THRB: variants seen among roughly 807,000 people sequenced by gnomAD.
The protein encoded by THRB is thyroid hormone receptor beta, also known as nuclear receptor subfamily 1 group A member 2.
In THRB, 12 loss-of-function variants were observed where a neutral mutation model predicts 47.8. The observed-to-expected ratio is 0.25, with a 90% CI of 0.16 to 0.41. The LOEUF is 0.41. Among genes scored for constraint, THRB ranks in the 10% least tolerant of loss-of-function variants. The pLI, the probability that THRB is intolerant of heterozygous loss-of-function variation, is 1.00. For missense variants in THRB, 348 were observed against 589.2 expected (o/e 0.59, Z 4.24); for synonymous variants, 218 against 212.2 (o/e 1.03, Z -0.24).
chr3:24,468,970 G>A (rs1251278193), intron 1 of THRB, among the ~76,000 whole-genome samples: 1 of 152,000 alleles, frequency 6.6e-6, no homozygotes, highest in Non-Finnish European at 1.5e-5. Flanking sequence ...GGTAAAGCAG[G>A]GTTCAATAAA....
rs1198566070 is a variant in THRB, at chr3:24,119,317, G to C, written c.*3567C>G. The stretch of plus-strand genomic sequence containing the variant: ...TCCATTTGAGGAGGAACTGTGGCTT[G>C]GTTATTCACTTAAATTCAGTTCATG... On this transcript the variant is annotated 3_prime_UTR_variant, in exon 11 of 11. Coordinates refer to ENST00000646209, the MANE Select transcript of THRB (RefSeq NM_001354712.2). The C allele has an allele frequency of 6.6e-6, 1 of 152,094 alleles. No homozygotes were observed. The highest frequency in any genetic ancestry group is 1.5e-5 in the Non-Finnish European group (1 of 68,008). The allele number at this position is 152,094 out of a possible 1,614,324, so 9.4% of individuals were successfully genotyped here.
chr3:24,378,627 T>C (rs1027461253), intron 1 of THRB, among the ~76,000 whole-genome samples: 13 of 152,152 alleles, frequency 8.5e-5, no homozygotes, highest in African/African-American at 2.9e-4. Flanking sequence ...GAGCCTTTCC[T>C]CTTTAGAAGG....
At chr3:24,123,540 T>C (rs573817830) in intron 10 of THRB, among the ~76,000 whole-genome samples, 143 of 152,104 alleles carry the variant, frequency 9.4e-4, no homozygotes, top group African/African-American at 2.7e-3. Flanking sequence ...GGGGGAGATA[T>C]ATGAAGGGAC....
chr3:24,238,278 T>TGGGGGGGGGGGGG (rs67450132), intron 3 of THRB, among the ~76,000 whole-genome samples: 2 of 30,010 alleles, frequency 6.7e-5, no homozygotes, highest in East Asian at 1.8e-3. Flanking sequence ...TGTGTGTGTG[T>TGGGGGGGGGGGGG]GGGGGGGGGG....
chr3:24,399,229 A>T (rs1340103728), intron 1 of THRB, among the ~76,000 whole-genome samples: 4 of 142,940 alleles, frequency 2.8e-5, no homozygotes, highest in East Asian at 2.2e-4. Flanking sequence ...AAGTATAATT[A>T]AAAAAAAAAA....
intron 4 of THRB, among the ~76,000 whole-genome samples, chr3:24,227,176 C>T (rs944718018): frequency 1.3e-5 from 2 of 152,152 alleles, no homozygotes; most frequent in Middle Eastern, 3.2e-3. Context: ...GAGAGCCATC[C>T]TTATAGCACC....
At chr3:24,183,516 C>T (rs1212818297) in intron 5 of THRB, among the ~76,000 whole-genome samples, 14 of 151,056 alleles carry the variant, frequency 9.3e-5, no homozygotes, top group African/African-American at 2.4e-4. Context: ...TACAGGCACA[C>T]GCCACCATCC....
chr3:24,357,714 T>C (rs1282114874), intron 1 of THRB, among the ~76,000 whole-genome samples: 1 of 152,132 alleles, frequency 6.6e-6, no homozygotes, highest in Non-Finnish European at 1.5e-5. Flanking sequence ...CAGTATTCCG[T>C]TGTTCTTATT....
At chr3:24,284,752 C>A (rs1364218874) in intron 3 of THRB, among the ~76,000 whole-genome samples, 1 of 149,590 alleles carries the variant, frequency 6.7e-6, no homozygotes, top group Non-Finnish European at 1.5e-5. Context: ...ACAAACAACC[C>A]CATCAAAAAG....
chr3:24,239,423 T>A (rs915857491), intron 3 of THRB, among the ~76,000 whole-genome samples: 1 of 152,090 alleles, frequency 6.6e-6, no homozygotes, highest in Non-Finnish European at 1.5e-5. Context: ...AGAGCAATCA[T>A]TAGTTCCAAT....
At chr3:24,209,328 A>G (rs927286817) in intron 4 of THRB, among the ~76,000 whole-genome samples, 2 of 152,256 alleles carry the variant, frequency 1.3e-5, no homozygotes, top group Non-Finnish European at 2.9e-5. Context: ...ATTACTGGGT[A>G]TATACCCAAA....
chr3:24,348,475 T>TACAA (rs2063162677), intron 1 of THRB: 1 of 152,110 alleles, frequency 6.6e-6, no homozygotes, highest in Non-Finnish European at 1.5e-5. Context: ...TTTCCTTGTA[T>TACAA]ATGCCTTCCT....
chr3:24,207,052 A>G (rs2045452377), intron 4 of THRB, among the ~76,000 whole-genome samples: 1 of 152,224 alleles, frequency 6.6e-6, no homozygotes, highest in Non-Finnish European at 1.5e-5. Context: ...TCACAGCCGA[A>G]TTCTACCAGA....
At chr3:24,368,123 T>C (rs537681899) in intron 1 of THRB, among the ~76,000 whole-genome samples, 1 of 152,162 alleles carries the variant, frequency 6.6e-6, no homozygotes, top group South Asian at 2.1e-4. Context: ...CCTTATCTTA[T>C]CCAATTTAAT....
intron 3 of THRB, among the ~76,000 whole-genome samples, chr3:24,233,543 GAGAA>G (rs2048467402): frequency 4.6e-5 from 2 of 43,602 alleles, no homozygotes; most frequent in Admixed American, 2.3e-4. Flanking sequence ...AAGAAAGAAA[GAGAA>G]AGAAAGAAAA....
intron 1 of THRB, among the ~76,000 whole-genome samples, chr3:24,442,378 A>T (rs1470589457): frequency 6.6e-6 from 1 of 152,212 alleles, no homozygotes; most frequent in African/African-American, 2.4e-5. Context: ...TGGAGCTGGG[A>T]TATGAATCCA....
intron 1 of THRB, among the ~76,000 whole-genome samples, chr3:24,453,929 A>C (rs1257002722): frequency 1.3e-5 from 2 of 152,154 alleles, no homozygotes; most frequent in Non-Finnish European, 2.9e-5. Context: ...AATGTGTCTC[A>C]GGGTACTTTC....
intron 1 of THRB, among the ~76,000 whole-genome samples, chr3:24,352,334 C>T (rs369920751): frequency 6.6e-5 from 10 of 152,216 alleles, no homozygotes; most frequent in South Asian, 2.1e-4. Flanking sequence ...ACCAAAGAAA[C>T]GAAAACATGT....
At chr3:24,279,931 T>C (rs1463191250) in intron 3 of THRB, among the ~76,000 whole-genome samples, 1 of 152,192 alleles carries the variant, frequency 6.6e-6, no homozygotes, top group Non-Finnish European at 1.5e-5. Context: ...TTAGTTTCCT[T>C]TGTTACGTAT....
Sources: gnomAD v4.1 joint callset for allele counts (sites outside exome capture counted in the v4.1 genomes callset) on GRCh38, gnomAD v4.1.1 for gene constraint, MANE v1.5 for transcripts, NCBI Gene and HGNC (gene_info 2026-07-23, HGNC 2026-07-21) for gene names.